DUX4: variants seen among roughly 807,000 people sequenced by gnomAD.
DUX4 encodes double homeobox 4.
intron 1 of DUX4, among the ~76,000 whole-genome samples, chr4:190,181,187 C>CTGTT (rs2126582406): frequency 6.8e-6 from 1 of 147,882 alleles, no homozygotes. Flanking sequence ...AGAGTTACAT[C>CTGTT]ACCTGGGTGA....
At chr4:190,179,468 AGAG>A (rs1742495779), downstream of DUX4, among the ~76,000 whole-genome samples, 2 of 149,364 alleles carry the variant, frequency 1.3e-5, no homozygotes, top group Non-Finnish European at 1.5e-5. Flanking sequence ...ATCCTAGAGA[AGAG>A]TTATATCACC....
chr4:190,179,282 G>GATCATTGCAGTGATATGTCACAAAGC (rs1742485050), downstream of DUX4, among the ~76,000 whole-genome samples: 5 of 145,094 alleles, frequency 3.4e-5, no homozygotes, highest in African/African-American at 2.5e-5. Flanking sequence ...TGACCTGGGT[G>GATCATTGCAGTGATATGTCACAAAGC]ATCAGTGCAG....
At chr4:190,179,796 AGC>A (rs1742513576), downstream of DUX4, among the ~76,000 whole-genome samples, 2 of 21,408 alleles carry the variant, frequency 9.3e-5, no homozygotes, top group African/African-American at 1.2e-3. Flanking sequence ...CCTGTAGGCA[AGC>A]CTACACAAGT....
At chr4:190,177,039 GAT>G (rs1742338066), downstream of DUX4, among the ~76,000 whole-genome samples, 2 of 119,544 alleles carry the variant, frequency 1.7e-5, no homozygotes, top group East Asian at 5.6e-4. Context: ...TCAGTGCAGA[GAT>G]ATGTCACAAA....
chr4:190,176,332 CAT>C (rs1742303583), downstream of DUX4, among the ~76,000 whole-genome samples: 1 of 111,964 alleles, frequency 8.9e-6, no homozygotes, highest in African/African-American at 2.6e-5. Context: ...ACAAGTGTTA[CAT>C]CACCTGGGTG....
rs1347998965 is a variant in DUX4 at position 190,183,240 on chromosome 4, T to C, written n.93-2101T>C. On this transcript the variant is annotated intron_variant and non_coding_transcript_variant, in intron 1 of 2. Transcript: ENST00000563716. ...ACACTATTACTTAATATATAGGCTA[T>C]TAAGACATGTTTGTCTTCAAAGAAT... 6.1e-4 allele frequency: 65 copies of C among 107,092 alleles called. 1 individual carries two copies. The highest frequency in any genetic ancestry group is 1.7e-3 in the African/African-American group (63 of 37,434). 6.6% of individuals were successfully genotyped at this position (107,092 alleles called of 1,614,324 possible).
At chr4:190,181,635 T>TTC (rs1560882511) in intron 1 of DUX4, among the ~76,000 whole-genome samples, 1 of 5,460 alleles carries the variant, frequency 1.8e-4, no homozygotes, top group Non-Finnish European at 3.4e-4. Context: ...GAAAGCCCCC[T>TTC]GTAGGCAGAG....
downstream of DUX4, among the ~76,000 whole-genome samples, chr4:190,177,899 G>GGT (rs1742394380): frequency 2.7e-5 from 1 of 37,490 alleles, no homozygotes. Context: ...CTTGACAAAA[G>GGT]TGACATCACC....
downstream of DUX4, among the ~76,000 whole-genome samples, chr4:190,179,744 T>A (rs1579835897): frequency 2.6e-5 from 4 of 151,848 alleles, no homozygotes; most frequent in East Asian, 1.9e-4. Flanking sequence ...AGACAAGAGT[T>A]ACATCACCTC....
chr4:190,180,125 G>A (rs1315969631), downstream of DUX4, among the ~76,000 whole-genome samples: 359 of 3,178 alleles, frequency 0.11, 1 homozygote, highest in African/African-American at 0.18. Flanking sequence ...TGACAATGCC[G>A]CCAGTAGGCA....
downstream of DUX4, among the ~76,000 whole-genome samples, chr4:190,178,909 G>T (rs1742462507): frequency 3.8e-5 from 5 of 133,252 alleles, no homozygotes; most frequent in East Asian, 2.3e-4. Context: ...GCCCCCATAG[G>T]CAGATCCAAG....
downstream of DUX4, among the ~76,000 whole-genome samples, chr4:190,176,074 A>T (rs1190472422): frequency 3.6e-5 from 4 of 112,182 alleles, 1 homozygote; most frequent in African/African-American, 1.0e-4. Flanking sequence ...CCTAGTGATC[A>T]GTGCAGGGAT....
downstream of DUX4, among the ~76,000 whole-genome samples, chr4:190,178,573 G>GTGCTTACAAA (rs1742434458): frequency 1.4e-5 from 2 of 147,826 alleles, no homozygotes; most frequent in African/African-American, 5.0e-5. Context: ...CCTGTAGGCA[G>GTGCTTACAAA]AGGGTAGACA....
At chr4:190,178,729 C>A (rs1742446728), downstream of DUX4, among the ~76,000 whole-genome samples, 126 of 132,778 alleles carry the variant, frequency 9.5e-4, no homozygotes, top group Admixed American at 1.7e-3. Flanking sequence ...AGTTACATCA[C>A]CTGGGTGATC....
downstream of DUX4, among the ~76,000 whole-genome samples, chr4:190,177,396 C>A (rs1742364330): frequency 5.6e-3 from 61 of 10,924 alleles, no homozygotes; most frequent in South Asian, 9.0e-3. Context: ...TGTCACAAAG[C>A]CCCTGTAGGT....
At chr4:190,178,777 A>T (rs1742450652), downstream of DUX4, among the ~76,000 whole-genome samples, 4 of 150,400 alleles carry the variant, frequency 2.7e-5, no homozygotes, top group African/African-American at 7.3e-5. Context: ...TGTAGGCCAA[A>T]GCCTAGACAA....
chr4:190,177,194 C>CAGAGCCTAGA (rs1742350391), downstream of DUX4, among the ~76,000 whole-genome samples: 3 of 97,046 alleles, frequency 3.1e-5, no homozygotes, highest in Non-Finnish European at 6.5e-5. Flanking sequence ...CAAAACGCCC[C>CAGAGCCTAGA]TGTAGGCAGA....
At chr4:190,181,246 G>GGGTCTGTCACCTGGGTGATCAGTGC (rs1742557530) in intron 1 of DUX4, among the ~76,000 whole-genome samples, 1 of 58,630 alleles carries the variant, frequency 1.7e-5, no homozygotes, top group Non-Finnish European at 3.6e-5. Context: ...TCCAAGACAA[G>GGGTCTGTCACCTGGGTGATCAGTGC]AGTCTGTCAC....
intron 1 of DUX4, 110 bp from the exon 2 acceptor site, chr4:190,175,537 G>C (rs1267696310): frequency 1.6e-5 from 1 of 61,012 alleles, no homozygotes; most frequent in Admixed American, 2.3e-4. Flanking sequence ...CTGCGCCCCC[G>C]CGCCACCGTC....
Sources: allele counts gnomAD v4.1 joint callset (sites outside exome capture counted in the v4.1 genomes callset), GRCh38; gene constraint gnomAD v4.1.1; transcripts MANE v1.5; gene names NCBI Gene and HGNC (gene_info 2026-07-23, HGNC 2026-07-21).